The following BTBD7 variants were observed in gnomAD, a reference collection of about 807,000 sequenced individuals.
BTBD7 encodes the protein BTB/POZ domain-containing protein 7.
In BTBD7, 38 loss-of-function variants were observed where a neutral mutation model predicts 99.9. That is an observed-to-expected ratio of 0.38 (90% CI 0.29 to 0.50). The LOEUF is 0.50. BTBD7 is among the 20% of genes least tolerant of loss of function. BTBD7 has a pLI of 0.93. For missense variants in BTBD7, 1,170 were observed against 1,394.6 expected, an observed-to-expected ratio of 0.84 and a Z score of 2.57; for synonymous variants, 520 against 511.4, an observed-to-expected ratio of 1.02 and a Z score of -0.23.
In BTBD7 at chr14:93,333,011, G is replaced by A. The variant is rs1230474199; in HGVS notation, c.-298C>T. 5 of 531,668 alleles carry A rather than the reference G, an allele frequency of 9.4e-6. No homozygotes were observed. Among genetic ancestry groups the A allele is most frequent in the Middle Eastern group, 9.9e-4 (2 of 2,016 alleles). 32.9% of individuals were successfully genotyped at this position (531,668 alleles called of 1,614,324 possible). ...GGGACTGCTCCAGGTTCCCCTCGCCGCCATTTTGACTCCTAGACGGAGCAG... is the reference window on the plus strand; with the variant it reads ...GGGACTGCTCCAGGTTCCCCTCGCCACCATTTTGACTCCTAGACGGAGCAG... On this transcript the variant is annotated 5_prime_UTR_variant, in exon 1 of 11. Coordinates refer to ENST00000334746, the MANE Select transcript of BTBD7 (RefSeq NM_001002860.4).
chr14:93,271,351 T>C (rs2139721494), intron 3 of BTBD7, among the ~76,000 whole-genome samples: 1 of 151,768 alleles, frequency 6.6e-6, no homozygotes, highest in South Asian at 2.1e-4. Context: ...CATATTGAGG[T>C]CGGGGTGGAA....
Position 93,296,103 on chromosome 14 carries a change from C to A in BTBD7, c.-52G>T. On this transcript the variant is annotated 5_prime_UTR_variant, in exon 2 of 11. Transcript: ENST00000334746. ...CTGCGGGTTCTTCAGAGTATAATCC[C>A]AGAGGCCTTTATGAACCTTCAACCC... 6.3e-7 allele frequency: 1 copy of A among 1,589,066 alleles called. No individual in the cohort carries two copies.
intron 1 of BTBD7, among the ~76,000 whole-genome samples, chr14:93,309,899 G>A (rs1198850713): frequency 6.6e-6 from 1 of 152,082 alleles, no homozygotes; most frequent in Non-Finnish European, 1.5e-5. Flanking sequence ...ATAAAAAAGT[G>A]GAGAAAATAG....
chr14:93,240,849 T>C lies in BTBD7; in HGVS notation c.*1424A>G, dbSNP rs1321398852. 6.5e-6 allele frequency: 1 copy of C among 152,778 alleles called. No individual in the cohort carries two copies. The highest frequency in any genetic ancestry group is 1.5e-5 in the Non-Finnish European group (1 of 68,040). 9.5% of individuals were successfully genotyped at this position (152,778 alleles called of 1,614,324 possible). A position where few individuals can be genotyped will look rare whatever the true frequency, so the allele number is the denominator to read the frequency against. On this transcript the variant is annotated 3_prime_UTR_variant, in exon 11 of 11. Coordinates refer to ENST00000334746, the MANE Select transcript of BTBD7 (RefSeq NM_001002860.4). Reference sequence around the variant, plus strand: ...AACCAGCGTCCCAGTGGAGTTCAAGTAGGACATGTAGTGTTTAACTGAAAA... The same window carrying C: ...AACCAGCGTCCCAGTGGAGTTCAAGCAGGACATGTAGTGTTTAACTGAAAA...
rs1291973302 is a variant in BTBD7 at position 93,269,363 on chromosome 14, CAACAA to C, written c.1163-5375_1163-5371del. On this transcript the variant is annotated intron_variant, in intron 3 of 10. Transcript: ENST00000334746. ...AGAAGGGATGCTGGCAGGGAAAGGC[CAACAA>C]GTGGGTGCTGAGAGGCTTTACACGG... Among the ~76,000 whole-genome samples, 338 of 152,194 alleles carry C rather than the reference CAACAA, an allele frequency of 2.2e-3. 1 individual carries two copies. Among genetic ancestry groups the C allele is most frequent in the African/African-American group, 7.8e-3 (324 of 41,530 alleles).
chr14:93,328,658 C>A (rs1403232532), intron 1 of BTBD7, among the ~76,000 whole-genome samples: 2 of 148,272 alleles, frequency 1.3e-5, no homozygotes, highest in Non-Finnish European at 3.0e-5. Context: ...GTGGCTCACA[C>A]CTGTAATCCC....
At chr14:93,272,415 A>T (rs1405950520) in intron 3 of BTBD7, among the ~76,000 whole-genome samples, 2 of 152,136 alleles carry the variant, frequency 1.3e-5, no homozygotes, top group Non-Finnish European at 2.9e-5. Flanking sequence ...TTTAATTTCT[A>T]CTCTGCCTTT....
intron 4 of BTBD7, 124 bp downstream of exon 4, chr14:93,263,661 G>C: frequency 1.2e-6 from 1 of 851,482 alleles, no homozygotes; most frequent in Non-Finnish European, 1.9e-6. Context: ...GGCAGTCCTG[G>C]GTGGTTTGAT....
chr14:93,258,605 G>A (rs893489003), intron 5 of BTBD7, among the ~76,000 whole-genome samples: 2 of 151,996 alleles, frequency 1.3e-5, no homozygotes, highest in Non-Finnish European at 2.9e-5. Context: ...TATTTTTTAA[G>A]ATGGAGTCTT....
intron 10 of BTBD7, among the ~76,000 whole-genome samples, chr14:93,245,619 C>T (rs1275924577): frequency 6.6e-6 from 1 of 152,194 alleles, no homozygotes; most frequent in African/African-American, 2.4e-5. Flanking sequence ...TCCATATACA[C>T]CTCTTGGTCT....
At chr14:93,276,609 G>A (rs2052658894) in intron 3 of BTBD7, among the ~76,000 whole-genome samples, 1 of 152,270 alleles carries the variant, frequency 6.6e-6, no homozygotes. Flanking sequence ...AGTGAATACT[G>A]GAAATGAGAA....
chr14:93,302,231 G>A (rs999442818), intron 1 of BTBD7, among the ~76,000 whole-genome samples: 3 of 152,330 alleles, frequency 2.0e-5, no homozygotes, highest in African/African-American at 4.8e-5. Context: ...TAAACAGTAT[G>A]AGAGCACAGA....
At chr14:93,308,961 C>T (rs1309124760) in intron 1 of BTBD7, among the ~76,000 whole-genome samples, 1 of 152,126 alleles carries the variant, frequency 6.6e-6, no homozygotes, top group East Asian at 1.9e-4. Flanking sequence ...TATATATACA[C>T]TTAAAACTGG....
intron 1 of BTBD7, among the ~76,000 whole-genome samples, chr14:93,322,970 C>T (rs1369454061): frequency 6.6e-6 from 1 of 152,000 alleles, no homozygotes; most frequent in Non-Finnish European, 1.5e-5. Flanking sequence ...AAAATGTTTA[C>T]AAATTAGCTG....
At chr14:93,313,862 T>C (rs528688739) in intron 1 of BTBD7, among the ~76,000 whole-genome samples, 29 of 152,178 alleles carry the variant, frequency 1.9e-4, no homozygotes, top group African/African-American at 7.0e-4. Context: ...GCCTCCCAAG[T>C]AGCTAGGACT....
chr14:93,314,891 C>T (rs935354086), intron 1 of BTBD7, among the ~76,000 whole-genome samples: 1 of 152,106 alleles, frequency 6.6e-6, no homozygotes, highest in Non-Finnish European at 1.5e-5. Flanking sequence ...CCCCATGTTG[C>T]TTTATATTCT....
At chr14:93,284,632 G>A (rs1169450286) in intron 3 of BTBD7, among the ~76,000 whole-genome samples, 1 of 152,116 alleles carries the variant, frequency 6.6e-6, no homozygotes, top group Admixed American at 6.5e-5. Flanking sequence ...CTAGGTGACA[G>A]AGGAAATGAG....
At chr14:93,247,787 T>G (rs2052329509) in intron 9 of BTBD7, among the ~76,000 whole-genome samples, 1 of 152,270 alleles carries the variant, frequency 6.6e-6, no homozygotes, top group African/African-American at 2.4e-5. Flanking sequence ...AAATTCTATC[T>G]TAATTGCAAA....
chr14:93,256,950 G>C (rs756435890), intron 6 of BTBD7: 11 of 455,324 alleles, frequency 2.4e-5, no homozygotes, highest in Non-Finnish European at 3.9e-5. Flanking sequence ...AACTCTGCTA[G>C]AAATAATGCT....
Sources: allele counts gnomAD v4.1 joint callset (sites outside exome capture counted in the v4.1 genomes callset), GRCh38; gene constraint gnomAD v4.1.1; transcripts MANE v1.5; gene names NCBI Gene and HGNC (gene_info 2026-07-23, HGNC 2026-07-21).